The following SRGAP3 variants were observed in gnomAD, a reference collection of about 807,000 sequenced individuals.
The protein encoded by SRGAP3 is SLIT-ROBO Rho GTPase activating protein 3.
In SRGAP3, 39 loss-of-function variants were observed where a neutral mutation model predicts 121.1. The observed-to-expected ratio is 0.32, with a 90% CI of 0.25 to 0.42. SRGAP3 has a LOEUF of 0.42. SRGAP3 is among the 10% of genes least tolerant of loss of function. SRGAP3 has a pLI of 1.00. For missense variants in SRGAP3, 1,213 were observed against 1,470.6 expected (o/e 0.82, Z 2.86); for synonymous variants, 601 against 570.0 (o/e 1.05, Z -0.77).
At chr3:9,188,413 A>G (rs1032688877) in intron 1 of SRGAP3, among the ~76,000 whole-genome samples, 4 of 152,242 alleles carry the variant, frequency 2.6e-5, no homozygotes. Context: ...AGAGAAGGGC[A>G]TGAAAGATAA....
In SRGAP3 at chr3:9,272,846, C is replaced by T. The variant is rs549998824; in HGVS notation, n.442+53164G>A. ...ACTTAAGTACTTTTTTCCACAGTAG[C>T]TGCTCCATTTTATATTCACACTAAC... On this transcript the variant is annotated intron_variant and non_coding_transcript_variant, in intron 3 of 3. Coordinates refer to the SRGAP3 transcript ENST00000490889. 7.2e-5 allele frequency among the ~76,000 whole-genome samples: 11 copies of T among 151,978 alleles called. No individual in the cohort carries two copies. The East Asian group carries it at 1.9e-3, about 27-fold the overall frequency.
chr3:9,006,749 T>C (rs1005677786), intron 18 of SRGAP3, among the ~76,000 whole-genome samples: 1 of 152,202 alleles, frequency 6.6e-6, no homozygotes, highest in African/African-American at 2.4e-5. Flanking sequence ...AGTGGTTTTA[T>C]AATCTAATAA....
intron 1 of SRGAP3, among the ~76,000 whole-genome samples, chr3:9,140,589 A>G (rs927799594): frequency 6.6e-6 from 1 of 152,216 alleles, no homozygotes; most frequent in African/African-American, 2.4e-5. Flanking sequence ...ATATTTTAGC[A>G]TTTGCAGGCC....
intron 7 of SRGAP3, 123 bp from the exon 8 acceptor site, chr3:9,056,457 A>T (rs1945827236): frequency 1.0e-6 from 1 of 1,003,784 alleles, no homozygotes; most frequent in Non-Finnish European, 1.5e-6. Flanking sequence ...GGAAAGGTTG[A>T]GTGACCTGCT....
intron 1 of SRGAP3, chr3:9,236,219 T>C: frequency 5.6e-6 from 1 of 177,522 alleles, no homozygotes; most frequent in Non-Finnish European, 1.2e-5. Flanking sequence ...CTTCTATTCA[T>C]CCTTCAAAAT....
intron 1 of SRGAP3, among the ~76,000 whole-genome samples, chr3:9,203,265 A>C (rs1370327625): frequency 1.3e-5 from 2 of 152,292 alleles, no homozygotes; most frequent in East Asian, 3.9e-4. Context: ...TCCCAAGCTC[A>C]GGAGAATCAC....
chr3:9,101,087 T>A (rs1948197569), intron 3 of SRGAP3, among the ~76,000 whole-genome samples: 1 of 152,216 alleles, frequency 6.6e-6, no homozygotes, highest in South Asian at 2.1e-4. Context: ...ACTACAAGAT[T>A]CCATTTCGGC....
At chr3:9,352,217 T>A (rs1391160592) in intron 1 of SRGAP3, among the ~76,000 whole-genome samples, 1 of 152,122 alleles carries the variant, frequency 6.6e-6, no homozygotes, top group Non-Finnish European at 1.5e-5. Flanking sequence ...AATCTGCAGA[T>A]TGTTTTTTAC....
At chr3:9,172,025 C>A (rs1950996601) in intron 1 of SRGAP3, among the ~76,000 whole-genome samples, 1 of 151,634 alleles carries the variant, frequency 6.6e-6, no homozygotes, top group South Asian at 2.1e-4. Flanking sequence ...ATGTCTGTCT[C>A]TATGTCCCAA....
chr3:9,252,244 A>T (rs1368664789), upstream of SRGAP3, among the ~76,000 whole-genome samples: 1 of 152,136 alleles, frequency 6.6e-6, no homozygotes, highest in Non-Finnish European at 1.5e-5. Context: ...ATCAGAAGCC[A>T]AGCAGATGCT....
intron 18 of SRGAP3, among the ~76,000 whole-genome samples, chr3:9,001,726 G>A (rs78668153): frequency 0.18 from 28,121 of 152,094 alleles, 3,079 homozygotes; most frequent in Non-Finnish European, 0.25. Context: ...ATGGAAAAAT[G>A]TATTATACAA....
At chr3:9,286,110 T>TCAAACA (rs749224346) in intron 3 of SRGAP3, among the ~76,000 whole-genome samples, 3 of 91,676 alleles carry the variant, frequency 3.3e-5, no homozygotes, top group African/African-American at 1.2e-4. Context: ...AGACCCTATC[T>TCAAACA]CAAACACACA....
chr3:9,038,224 G>A (rs918967947), intron 10 of SRGAP3, 134 bp from the exon 11 acceptor site: 2 of 1,239,058 alleles, frequency 1.6e-6, no homozygotes, highest in East Asian at 2.5e-5. Context: ...TGCCTAAGGT[G>A]CGGTCTGTTG....
chr3:9,004,165 G>C (rs886403628), intron 18 of SRGAP3, among the ~76,000 whole-genome samples: 3 of 151,868 alleles, frequency 2.0e-5, no homozygotes, highest in African/African-American at 7.3e-5. Flanking sequence ...ATAAAATACA[G>C]AGGAATAAAG....
intron 3 of SRGAP3, among the ~76,000 whole-genome samples, chr3:9,294,550 CAA>C (rs61403993): frequency 6.4e-5 from 8 of 125,270 alleles, no homozygotes; most frequent in African/African-American, 1.8e-4. Flanking sequence ...AACAAACAAA[CAA>C]AAAAAAACAC....
At chr3:9,079,477 A>C (rs942156039) in intron 4 of SRGAP3, among the ~76,000 whole-genome samples, 3 of 152,238 alleles carry the variant, frequency 2.0e-5, no homozygotes, top group Non-Finnish European at 4.4e-5. Flanking sequence ...CAGGTAACAA[A>C]GTCAGCCGTG....
chr3:9,235,288 C>T (rs1953366014), intron 1 of SRGAP3, among the ~76,000 whole-genome samples: 1 of 152,134 alleles, frequency 6.6e-6, no homozygotes, highest in South Asian at 2.1e-4. Flanking sequence ...GATCTATGAT[C>T]CCATTTTTAT....
intron 2 of SRGAP3, among the ~76,000 whole-genome samples, chr3:9,326,828 A>G (rs1453701268): frequency 1.3e-5 from 2 of 151,822 alleles, no homozygotes; most frequent in African/African-American, 4.8e-5. Flanking sequence ...ATCTCACGTT[A>G]CCATAAGTCA....
In SRGAP3 at chr3:8,992,963, T is replaced by C. The variant is rs1345521807; in HGVS notation, c.2501A>G (p.Asp834Gly). Reference sequence around the variant, plus strand: ...GATGTGCTCCGTGGGGGACTGGAGGTCGTTTTTGGAAGAGGCCTTGTCATC... The same window carrying C: ...GATGTGCTCCGTGGGGGACTGGAGGCCGTTTTTGGAAGAGGCCTTGTCATC... ...LLDDKASSKN[D>G]LQSPTEHISD... is the part of the protein sequence containing the mutation. Residue 834 changes from aspartate to glycine, a missense_variant, in exon 20 of 22, where the codon GAC (aspartate) becomes GGC (glycine). By Grantham distance (94) the Asp-to-Gly change is moderately conservative. Transcript: ENST00000383836. 3.1e-6 allele frequency: 5 copies of C among 1,613,660 alleles called. No homozygotes were observed. Among genetic ancestry groups the C allele is most frequent in the Non-Finnish European group, 4.2e-6 (5 of 1,179,972 alleles).
Sources: allele counts gnomAD v4.1 joint callset (sites outside exome capture counted in the v4.1 genomes callset), GRCh38; gene constraint gnomAD v4.1.1; transcripts MANE v1.5; gene names NCBI Gene and HGNC (gene_info 2026-07-23, HGNC 2026-07-21).